ETV6: variants seen among roughly 807,000 people sequenced by gnomAD.
ETV6 encodes ETS variant transcription factor 6.
Under a neutral mutation model 51.1 loss-of-function variants are expected in ETV6, and 16 were observed. The observed-to-expected ratio is 0.31, with a 90% CI of 0.21 to 0.48. The LOEUF is 0.48. ETV6 is among the 20% of genes least tolerant of loss of function. The pLI is 0.99. For synonymous variants in ETV6, 240 were observed against 224.1 expected, an observed-to-expected ratio of 1.07 and a Z score of -0.64; for missense variants, 458 against 594.8, an observed-to-expected ratio of 0.77 and a Z score of 2.39.
At position 11,869,589 on chromosome 12, in the gene ETV6, G is replaced by A. The variant is rs201298740; in HGVS notation, c.629G>A (p.Arg210His). ...CGGTCCCCCCTGGACAACATGATCCGCCGCCTCTCCCCGGCTGAGAGAGCT... is the reference window on the plus strand; with the variant it reads ...CGGTCCCCCCTGGACAACATGATCCACCGCCTCTCCCCGGCTGAGAGAGCT... ...PLRSPLDNMI[R>H]RLSPAERAQG... The change falls in exon 5 of 8, where the codon CGC (arginine) becomes CAC (histidine). Residue 210 changes from arginine to histidine, a missense_variant. Physicochemically the swap from Arg to His is conservative, Grantham distance 29 (BLOSUM62 0). Around this residue, in one of 4 missense-constraint regions of ETV6, gnomAD observed 293 missense variants for 315.7 expected, o/e 0.93. Transcript: ENST00000396373. The surrounding 1 kb of genome is among the most constrained non-coding windows in gnomAD (Gnocchi z 5.0). The A allele has an allele frequency of 3.3e-5, 53 of 1,613,988 alleles. No homozygotes were observed. In the South Asian group the frequency reaches 5.2e-4, roughly 16 times the overall value.
At chr12:11,845,102 T>G (rs1341981643) in intron 3 of ETV6, among the ~76,000 whole-genome samples, 1 of 152,224 alleles carries the variant, frequency 6.6e-6, no homozygotes, top group Non-Finnish European at 1.5e-5. Flanking sequence ...GTGCTAGGAT[T>G]ACAGGCGTGA....
At chr12:11,765,853 A>C (rs1011936831) in intron 2 of ETV6, among the ~76,000 whole-genome samples, 1 of 152,104 alleles carries the variant, frequency 6.6e-6, no homozygotes, top group African/African-American at 2.4e-5. Flanking sequence ...AGAAGTCTCA[A>C]GTTTGTGTAT....
intron 4 of ETV6, among the ~76,000 whole-genome samples, chr12:11,863,346 C>T (rs565846846): frequency 2.0e-5 from 3 of 152,090 alleles, no homozygotes; most frequent in Admixed American, 6.5e-5. Flanking sequence ...TATTTTAGGC[C>T]GTTTGGCAGT....
At chr12:11,694,598 A>G (rs1268815355) in intron 1 of ETV6, among the ~76,000 whole-genome samples, 1 of 152,192 alleles carries the variant, frequency 6.6e-6, no homozygotes, top group Non-Finnish European at 1.5e-5. Flanking sequence ...TCAAAACAGT[A>G]CTTTAAAATA....
At chr12:11,802,231 A>G (rs1191067781) in intron 2 of ETV6, among the ~76,000 whole-genome samples, 1 of 152,304 alleles carries the variant, frequency 6.6e-6, no homozygotes, top group East Asian at 1.9e-4. Flanking sequence ...AGCGTACAGA[A>G]GCCTCAGGAA....
intron 1 of ETV6, among the ~76,000 whole-genome samples, chr12:11,738,831 C>G (rs538140736): frequency 6.6e-6 from 1 of 152,244 alleles, no homozygotes; most frequent in South Asian, 2.1e-4. Context: ...ACGGTTCAAA[C>G]TCAAGATGGT....
At position 11,718,523 on chromosome 12, in the gene ETV6, T is replaced by C. The variant is rs2724617; in HGVS notation, c.34-33927T>C. Among the ~76,000 whole-genome samples the C allele has an allele frequency of 3.5e-3, 536 of 151,484 alleles. 3 individuals are homozygous for C. Among genetic ancestry groups the C allele is most frequent in the Middle Eastern group, 0.01 (3 of 292 alleles). On this transcript the variant is annotated intron_variant, in intron 1 of 7. Transcript: ENST00000396373. Reference sequence around the variant, plus strand: ...GCACACTCCTGAAATCCTAGCACTTTGGGAGGACGAGGCAGGCGGATCGCT... The same window carrying C: ...GCACACTCCTGAAATCCTAGCACTTCGGGAGGACGAGGCAGGCGGATCGCT...
intron 2 of ETV6, among the ~76,000 whole-genome samples, chr12:11,814,513 C>G (rs573323446): frequency 1.3e-5 from 2 of 152,152 alleles, no homozygotes; most frequent in Non-Finnish European, 2.9e-5. Context: ...CCCAAACACT[C>G]TCCACTATTT....
chr12:11,697,454 C>A (rs73065031), intron 1 of ETV6, among the ~76,000 whole-genome samples: 3,278 of 152,304 alleles, frequency 0.022, 59 homozygotes, highest in Non-Finnish European at 0.034. Flanking sequence ...TAAAAGGATT[C>A]TGCTTTTAAG....
chr12:11,693,246 C>T (rs938903184), intron 1 of ETV6, among the ~76,000 whole-genome samples: 3 of 152,056 alleles, frequency 2.0e-5, no homozygotes, highest in Non-Finnish European at 4.4e-5. Flanking sequence ...GAACATTTGC[C>T]ACGCAGGCCG....
chr12:11,730,003 C>T (rs1865563405), intron 1 of ETV6, among the ~76,000 whole-genome samples: 1 of 152,146 alleles, frequency 6.6e-6, no homozygotes, highest in Non-Finnish European at 1.5e-5. Flanking sequence ...TCATGACCAT[C>T]TATGCGTTAC....
At chr12:11,729,716 G>T (rs1380291950) in intron 1 of ETV6, among the ~76,000 whole-genome samples, 1 of 152,036 alleles carries the variant, frequency 6.6e-6, no homozygotes, top group Non-Finnish European at 1.5e-5. Flanking sequence ...CTTGACCTCT[G>T]GATAAAACTG....
intron 2 of ETV6, among the ~76,000 whole-genome samples, chr12:11,814,243 A>T (rs2213175): frequency 0.5 from 76,192 of 152,000 alleles, 19,058 homozygotes; most frequent in East Asian, 0.53. Context: ...GTCTTATTTT[A>T]TTCAGATCTT....
chr12:11,854,182 C>T (rs1464528028), intron 4 of ETV6, among the ~76,000 whole-genome samples: 1 of 151,968 alleles, frequency 6.6e-6, no homozygotes, highest in Non-Finnish European at 1.5e-5. Flanking sequence ...CAACTAGATC[C>T]CGCGCATGCA....
chr12:11,720,985 C>G (rs1364486833), intron 1 of ETV6, among the ~76,000 whole-genome samples: 2 of 152,280 alleles, frequency 1.3e-5, no homozygotes, highest in East Asian at 3.9e-4. Context: ...TATCACTAAT[C>G]ATCAGAGAAA....
At chr12:11,843,343 T>C (rs1408635444) in intron 3 of ETV6, among the ~76,000 whole-genome samples, 1 of 152,234 alleles carries the variant, frequency 6.6e-6, no homozygotes, top group Non-Finnish European at 1.5e-5. Flanking sequence ...TGCCACTGTT[T>C]CTTCTGACAT....
intron 1 of ETV6, among the ~76,000 whole-genome samples, chr12:11,657,685 C>T (rs567737579): frequency 2.0e-4 from 30 of 152,296 alleles, no homozygotes; most frequent in Non-Finnish European, 2.6e-4. Context: ...GTCAGATATA[C>T]GGAAAACGAC....
At chr12:11,890,753 C>T (rs145371251) in intron 7 of ETV6, among the ~76,000 whole-genome samples, 188 bp from the exon 8 acceptor site, 1 of 152,098 alleles carries the variant, frequency 6.6e-6, no homozygotes, top group African/African-American at 2.4e-5. Context: ...CATTTTACCA[C>T]TTTTTAGACA....
chr12:11,872,076 C>T (rs1946888329), intron 5 of ETV6, among the ~76,000 whole-genome samples: 1 of 152,218 alleles, frequency 6.6e-6, no homozygotes, highest in Admixed American at 6.5e-5. Context: ...CAGTACTTGA[C>T]ATTTTGCAGA....
Sources: allele counts gnomAD v4.1 joint callset (sites outside exome capture counted in the v4.1 genomes callset), GRCh38; gene constraint gnomAD v4.1.1; regional missense constraint gnomAD v4.1.1; non-coding constraint Gnocchi (gnomAD v3.1); transcripts MANE v1.5; gene names NCBI Gene and HGNC (gene_info 2026-07-23, HGNC 2026-07-21).